Variants in MAGI2 observed in about 807,000 individuals in gnomAD.
The protein encoded by MAGI2 is membrane associated guanylate kinase, WW and PDZ domain containing 2, also known as membrane-associated guanylate kinase, WW and PDZ domain-containing protein 2.
MAGI2 carries 35 observed loss-of-function variants against 133.3 expected under a neutral mutation model. That is an observed-to-expected ratio of 0.26 (90% CI 0.20 to 0.35). MAGI2 has a LOEUF of 0.35. MAGI2 is among the 10% of genes least tolerant of loss of function. MAGI2 has a pLI of 1.00. For missense variants in MAGI2, 1,636 were observed against 1,863.4 expected (o/e 0.88, Z 2.25); for synonymous variants, 729 against 710.6 (o/e 1.03, Z -0.41).
intron 6 of MAGI2, among the ~76,000 whole-genome samples, chr7:78,427,625 T>TAC (rs1799406331): frequency 7.4e-6 from 1 of 135,724 alleles, no homozygotes; most frequent in South Asian, 2.3e-4. Flanking sequence ...AAGATTTTAA[T>TAC]ACCACTCTTT....
chr7:79,250,419 T>C (rs1217228268), intron 1 of MAGI2, among the ~76,000 whole-genome samples: 1 of 144,224 alleles, frequency 6.9e-6, no homozygotes, highest in Admixed American at 6.8e-5. Flanking sequence ...ACAAAAGCAA[T>C]ACACAAAAGT....
chr7:78,511,320 A>C (rs2150556973), intron 4 of MAGI2, among the ~76,000 whole-genome samples: 1 of 152,032 alleles, frequency 6.6e-6, no homozygotes, highest in African/African-American at 2.4e-5. Context: ...CTGTAATGAA[A>C]AGTGTAGGAC....
At chr7:78,681,100 T>TC (rs1815601983) in intron 2 of MAGI2, among the ~76,000 whole-genome samples, 1 of 151,918 alleles carries the variant, frequency 6.6e-6, no homozygotes, top group Non-Finnish European at 1.5e-5. Flanking sequence ...ACCCTCAGAC[T>TC]CCCCCGACAA....
intron 6 of MAGI2, among the ~76,000 whole-genome samples, chr7:78,384,858 G>A (rs112236656): frequency 6.6e-6 from 1 of 152,166 alleles, no homozygotes; most frequent in South Asian, 2.1e-4. Context: ...TTAGACCAAC[G>A]GATCAGACTG....
chr7:78,657,352 C>T lies in MAGI2; in HGVS notation c.419-30113G>A, dbSNP rs369997338. On this transcript the variant is annotated intron_variant, in intron 2 of 21. Transcript: ENST00000354212. ...TTATCCAAAGGAGCTGAAAACATGT[C>T]CACACAAAAACCTGCATGTGGATGT... Among the ~76,000 whole-genome samples the T allele has an allele frequency of 1.2e-3, 179 of 152,266 alleles. 1 individual carries two copies. In the South Asian group the frequency reaches 0.015, roughly 12 times the overall value.
intron 6 of MAGI2, among the ~76,000 whole-genome samples, chr7:78,392,852 G>A (rs1428933878): frequency 4.0e-5 from 6 of 151,870 alleles, no homozygotes; most frequent in Admixed American, 6.6e-5. Flanking sequence ...CATGTTGGTC[G>A]GGCTGGTTTT....
chr7:78,569,602 A>G (rs6966825), intron 3 of MAGI2, among the ~76,000 whole-genome samples: 21,493 of 152,312 alleles, frequency 0.14, 2,219 homozygotes, highest in East Asian at 0.51. Context: ...AAAGTAAAAC[A>G]TTAAATCATT....
chr7:78,760,571 A>C (rs1824409305), intron 2 of MAGI2, among the ~76,000 whole-genome samples: 2 of 151,986 alleles, frequency 1.3e-5, no homozygotes, highest in Admixed American at 6.6e-5. Flanking sequence ...TCTCTATCTT[A>C]GCTAACGAAG....
chr7:79,265,744 T>A (rs1834411839), intron 1 of MAGI2, among the ~76,000 whole-genome samples: 1 of 152,132 alleles, frequency 6.6e-6, no homozygotes, highest in South Asian at 2.1e-4. Flanking sequence ...GGTGAATTAT[T>A]GGGCACTGGG....
chr7:79,303,269 CA>C (rs1053670489), intron 1 of MAGI2, among the ~76,000 whole-genome samples: 4 of 146,406 alleles, frequency 2.7e-5, no homozygotes, highest in Non-Finnish European at 6.0e-5. Context: ...TCCATATAAC[CA>C]AAAAACATTT....
At chr7:78,607,265 A>G (rs538599854) in intron 3 of MAGI2, among the ~76,000 whole-genome samples, 2 of 152,274 alleles carry the variant, frequency 1.3e-5, no homozygotes, top group South Asian at 4.1e-4. Flanking sequence ...ATGTCACCCA[A>G]TCGCAGATAA....
chr7:79,132,648 G>T (rs751958773), intron 1 of MAGI2, among the ~76,000 whole-genome samples: 1 of 151,958 alleles, frequency 6.6e-6, no homozygotes, highest in African/African-American at 2.4e-5. Context: ...TTTCCTTTGC[G>T]TAGATACCCA....
At chr7:78,161,100 A>G (rs1342593445) in intron 15 of MAGI2, among the ~76,000 whole-genome samples, 1 of 152,194 alleles carries the variant, frequency 6.6e-6, no homozygotes, top group Non-Finnish European at 1.5e-5. Flanking sequence ...TTGAACCTCT[A>G]AGGAGCTGTT....
intron 2 of MAGI2, among the ~76,000 whole-genome samples, chr7:79,001,958 A>G (rs1459624089): frequency 6.6e-6 from 1 of 152,104 alleles, no homozygotes; most frequent in Non-Finnish European, 1.5e-5. Flanking sequence ...CAAGACTTTT[A>G]TCTATATATG....
intron 2 of MAGI2, among the ~76,000 whole-genome samples, chr7:78,680,737 C>T (rs570742877): frequency 5.3e-5 from 8 of 152,178 alleles, no homozygotes; most frequent in African/African-American, 1.9e-4. Flanking sequence ...GACCTAAATC[C>T]CTCTTAACCC....
intron 1 of MAGI2, chr7:79,012,316 A>C (rs1043604230): frequency 9.9e-5 from 15 of 152,094 alleles, no homozygotes; most frequent in Non-Finnish European, 1.3e-4. Flanking sequence ...TTTCTGTCCA[A>C]CCTTCAGGCT....
intron 6 of MAGI2, among the ~76,000 whole-genome samples, chr7:78,373,346 G>A (rs1356378555): frequency 1.3e-5 from 2 of 152,146 alleles, no homozygotes; most frequent in Non-Finnish European, 2.9e-5. Flanking sequence ...GGAGCAACTG[G>A]CAAAATTCAC....
intron 9 of MAGI2, among the ~76,000 whole-genome samples, chr7:78,293,691 T>G (rs956801860): frequency 6.6e-6 from 1 of 152,100 alleles, no homozygotes; most frequent in African/African-American, 2.4e-5. Flanking sequence ...AACCCAAATG[T>G]CCATCAATGA....
chr7:79,209,478 T>G (rs1374072674), intron 1 of MAGI2, among the ~76,000 whole-genome samples: 1 of 151,984 alleles, frequency 6.6e-6, no homozygotes, highest in East Asian at 1.9e-4. Context: ...ATTAAGAATG[T>G]CACTTATTTT....
Sources: allele counts gnomAD v4.1 joint callset (sites outside exome capture counted in the v4.1 genomes callset), GRCh38; gene constraint gnomAD v4.1.1; transcripts MANE v1.5; gene names NCBI Gene and HGNC (gene_info 2026-07-23, HGNC 2026-07-21).